Variants in CCDC57 observed in about 807,000 individuals in gnomAD.
CCDC57 encodes coiled-coil domain-containing protein 57.
A neutral mutation model predicts 118.9 loss-of-function variants in CCDC57; 118 were observed. That is an observed-to-expected ratio of 0.99 (90% CI 0.86 to 1.16). CCDC57 has a LOEUF of 1.16. Ranked by LOEUF, CCDC57 falls within the 50% of genes most tolerant of loss-of-function variation. CCDC57 has a pLI of 0.00. For synonymous variants in CCDC57, 527 were observed against 532.9 expected (o/e 0.99, Z 0.15); for missense variants, 1,300 against 1,320.7 (o/e 0.98, Z 0.24).
intron 13 of CCDC57, among the ~76,000 whole-genome samples, chr17:82,165,702 G>A (rs557933647): frequency 9.2e-5 from 14 of 152,252 alleles, no homozygotes; most frequent in African/African-American, 2.2e-4. Flanking sequence ...AGGAGCTGCC[G>A]TGTAAAACCA....
chr17:82,201,458 C>T lies in CCDC57; in HGVS notation c.407+80G>A, dbSNP rs374378304. 1.2e-5 allele frequency: 17 copies of T among 1,430,598 alleles called. No homozygotes were observed. The African/African-American group carries it at 1.6e-4, about 13-fold the overall frequency. The allele number at this position is 1,430,598 out of a possible 1,614,324, so 88.6% of individuals were successfully genotyped here. A position where few individuals can be genotyped will look rare whatever the true frequency, so the allele number is the denominator to read the frequency against. On this transcript the variant is annotated intron_variant, in intron 3 of 19. Transcript: ENST00000665763. ...AGGGGCAGTGAGAGTGGGCAGTGCT[C>T]GGGCAGCACAGCGGAGCAGGAGGCA...
chr17:82,196,453 TC>T (rs2048308559), intron 4 of CCDC57, among the ~76,000 whole-genome samples: 1 of 152,184 alleles, frequency 6.6e-6, no homozygotes, highest in Admixed American at 6.5e-5. Context: ...GCTCAGCACT[TC>T]CGGGGACAAC....
chr17:82,185,981 G>A (rs1030347459), intron 8 of CCDC57, among the ~76,000 whole-genome samples: 1 of 152,060 alleles, frequency 6.6e-6, no homozygotes, highest in African/African-American at 2.4e-5. Context: ...AGGACTATAG[G>A]TGAGCACCAC....
intron 13 of CCDC57, among the ~76,000 whole-genome samples, chr17:82,169,421 G>A (rs1009200456): frequency 1.3e-5 from 2 of 152,162 alleles, no homozygotes; most frequent in South Asian, 2.1e-4. Flanking sequence ...GAGCCACTGC[G>A]CCCGGCAAAA....
chr17:82,141,070 G>A (rs918928651), intron 16 of CCDC57, among the ~76,000 whole-genome samples: 1 of 151,862 alleles, frequency 6.6e-6, no homozygotes, highest in Non-Finnish European at 1.5e-5. Flanking sequence ...GAGTGCAGTG[G>A]TGTGATCTCC....
chr17:82,112,926 A>G (rs910867345), intron 19 of CCDC57: 4 of 165,812 alleles, frequency 2.4e-5, no homozygotes, highest in Non-Finnish European at 5.2e-5. Flanking sequence ...ATGGAGGAAC[A>G]TTAAAGTCTG....
At chr17:82,179,788 G>A (rs1392318280) in intron 9 of CCDC57, among the ~76,000 whole-genome samples, 6 of 152,214 alleles carry the variant, frequency 3.9e-5, no homozygotes, top group Non-Finnish European at 7.3e-5. Context: ...CAGAGCAAAC[G>A]CCAGCCTTCA....
intron 11 of CCDC57, chr17:82,175,660 C>T (rs1272452755): frequency 6.6e-6 from 1 of 152,248 alleles, no homozygotes; most frequent in Non-Finnish European, 1.5e-5. Context: ...TGTCTCCTGT[C>T]TCCCTACAAT....
At chr17:82,195,672 C>T (rs2048217241) in intron 4 of CCDC57, among the ~76,000 whole-genome samples, 1 of 152,060 alleles carries the variant, frequency 6.6e-6, no homozygotes, top group Non-Finnish European at 1.5e-5. Context: ...TCAATTCTAC[C>T]TCTGACAATA....
chr17:82,111,759 A>G (rs1359936819), intron 19 of CCDC57, among the ~76,000 whole-genome samples: 1 of 151,526 alleles, frequency 6.6e-6, no homozygotes, highest in African/African-American at 2.4e-5. Flanking sequence ...GGCACCTGCC[A>G]CCATGCCCAG....
chr17:82,101,889 C>T lies in CCDC57; in HGVS notation c.2900-23G>A, dbSNP rs550174163. ...GCTCTGTCAGGTAAAGAGGAAAAAA[C>T]AGCATGCATCAGGATGGCAGGGGGA... is the stretch of plus-strand genomic sequence containing the variant. On this transcript the variant is annotated intron_variant, in intron 19 of 19. Transcript: ENST00000665763. 2.5e-5 allele frequency: 39 copies of T among 1,540,738 alleles called. No individual in the cohort carries two copies. The South Asian group carries it at 3.8e-4, about 15-fold the overall frequency.
At chr17:82,208,234 A>C (rs1325794602) in intron 1 of CCDC57, among the ~76,000 whole-genome samples, 1 of 151,622 alleles carries the variant, frequency 6.6e-6, no homozygotes, top group African/African-American at 2.4e-5. Context: ...TATGACCTCC[A>C]TGTATAAATA....
At chr17:82,171,680 C>T in intron 13 of CCDC57, 21 bp downstream of exon 12, 1 of 1,602,328 alleles carries the variant, frequency 6.2e-7, no homozygotes. Flanking sequence ...CAGCAAGTAC[C>T]CCACTGAGAC....
intron 2 of CCDC57, among the ~76,000 whole-genome samples, chr17:82,203,182 C>T (rs2049199313): frequency 6.6e-6 from 1 of 152,108 alleles, no homozygotes; most frequent in Non-Finnish European, 1.5e-5. Context: ...ACAATGAGTT[C>T]TAGTGAGATG....
In CCDC57 at chr17:82,198,886, G is replaced by T. The variant is rs1022370432; in HGVS notation, c.408-464C>A. On this transcript the variant is annotated intron_variant, in intron 3 of 19. Coordinates refer to ENST00000665763, the Ensembl canonical transcript of CCDC57. ...CGGGCGCCTGTAGTCCCAGCTACTC[G>T]GGAGGCTGAGGCAGGAGAATGGCGT... Among the ~76,000 whole-genome samples, 13 of 151,594 alleles carry T rather than the reference G, an allele frequency of 8.6e-5. No individual in the cohort carries two copies. The East Asian group carries it at 2.5e-3, about 30-fold the overall frequency.
chr17:82,162,379 C>T (rs2146072966), intron 14 of CCDC57, among the ~76,000 whole-genome samples: 1 of 152,296 alleles, frequency 6.6e-6, no homozygotes, highest in South Asian at 2.1e-4. Flanking sequence ...GTGACCCCAG[C>T]CCCATGGGAA....
chr17:82,105,803 A>G (rs1471476018), intron 19 of CCDC57, among the ~76,000 whole-genome samples: 3 of 152,188 alleles, frequency 2.0e-5, no homozygotes, highest in African/African-American at 7.2e-5. Context: ...CCTCACTGGC[A>G]CATGGAGCCT....
chr17:82,169,700 C>G (rs531496186), intron 13 of CCDC57, among the ~76,000 whole-genome samples: 1 of 152,018 alleles, frequency 6.6e-6, no homozygotes, highest in African/African-American at 2.4e-5. Context: ...CAAGAGGACT[C>G]GATCAAAGTA....
At chr17:82,133,755 G>C (rs921984317) in intron 17 of CCDC57, among the ~76,000 whole-genome samples, 1 of 151,882 alleles carries the variant, frequency 6.6e-6, no homozygotes, top group Non-Finnish European at 1.5e-5. Context: ...CAGCAACTCG[G>C]AAGGCTGACT....
Sources: allele counts gnomAD v4.1 joint callset (sites outside exome capture counted in the v4.1 genomes callset), GRCh38; gene constraint gnomAD v4.1.1; transcripts MANE v1.5; gene names NCBI Gene and HGNC (gene_info 2026-07-23, HGNC 2026-07-21).